The following KIAA1191 variants were observed in gnomAD, a reference collection of about 807,000 sequenced individuals.
The protein encoded by KIAA1191 is putative monooxygenase p33MONOX.
A neutral mutation model predicts 31.1 loss-of-function variants in KIAA1191; 22 were observed. The observed-to-expected ratio is 0.71, with a 90% CI of 0.51 to 1.01. The LOEUF (loss-of-function observed/expected upper bound fraction) is 1.01. KIAA1191 is among the 50% of genes least tolerant of loss of function. KIAA1191 has a pLI of 0.00. For synonymous variants in KIAA1191, 130 were observed against 143.9 expected (o/e 0.90, Z 0.69); for missense variants, 319 against 388.0 (o/e 0.82, Z 1.49).
In KIAA1191 at chr5:176,350,593, C is replaced by A. The variant is rs1393831107; in HGVS notation, c.459+20G>T. The A allele has an allele frequency of 6.2e-7, 1 of 1,606,248 alleles. No individual in the cohort carries two copies. Among genetic ancestry groups the A allele is most frequent in the Non-Finnish European group, 8.5e-7 (1 of 1,178,006 alleles). ...ATGAACACTGAAGGTTTTGTTTTTT[C>A]AAAGTTCCTAAGAGCTTACGTGGAG... is the stretch of plus-strand genomic sequence containing the variant. On this transcript the variant is annotated intron_variant, in intron 6 of 8. Transcript: ENST00000298569.
chr5:176,357,531 T>C (rs1187947852), intron 3 of KIAA1191, among the ~76,000 whole-genome samples: 1 of 152,214 alleles, frequency 6.6e-6, no homozygotes, highest in Non-Finnish European at 1.5e-5. Flanking sequence ...GCAGATATTC[T>C]TCCCATTTTC....
intron 6 of KIAA1191, among the ~76,000 whole-genome samples, chr5:176,349,664 GCCACAGTTTTATAT>G (rs1308008186): frequency 7.2e-5 from 11 of 152,188 alleles, no homozygotes; most frequent in East Asian, 1.9e-4. Flanking sequence ...CTGCAAACAG[GCCACAGTTTTATAT>G]CCACAGTTTT....
Position 176,348,041 on chromosome 5 carries a change from A to C in KIAA1191, c.589T>G (p.Ser197Ala), listed in dbSNP as rs985789948. 6.2e-7 allele frequency: 1 copy of C among 1,613,900 alleles called. No homozygotes were observed. Among genetic ancestry groups the C allele is most frequent in the African/African-American group, 1.3e-5 (1 of 74,908 alleles). The change falls in exon 8 of 9, where the codon TCC becomes GCC. Residue 197 changes from serine (S) to alanine (A), a missense_variant. By Grantham distance (99) the Ser-to-Ala change is moderately conservative. Transcript: ENST00000298569. ...RPRGWFTSGS[S>A]TALPGPNPST... ...GGATTTGGGCCAGGTAAGGCTGTGG[A>C]AGAACCAGAAGTGAACCAGCCCCTG... is the stretch of plus-strand genomic sequence containing the variant.
At position 176,347,067 on chromosome 5, in the gene KIAA1191, C is replaced by T. The variant is rs940305326; in HGVS notation, c.*533G>A. On this transcript the variant is annotated 3_prime_UTR_variant, in exon 9 of 9. Coordinates refer to ENST00000298569, the MANE Select transcript of KIAA1191 (RefSeq NM_020444.5). ...GTAATGAGGTCCCCATACACCCGTG[C>T]TGAGAATATTAGTCTAACTTTAAAG... 6.6e-6 allele frequency: 1 copy of T among 152,228 alleles called. No individual in the cohort carries two copies. The highest frequency in any genetic ancestry group is 1.5e-5 in the Non-Finnish European group (1 of 68,038). 9.4% of individuals were successfully genotyped at this position (152,228 alleles called of 1,614,324 possible).
intron 3 of KIAA1191, among the ~76,000 whole-genome samples, chr5:176,357,586 T>C (rs1176086626): frequency 6.6e-6 from 1 of 152,164 alleles, no homozygotes; most frequent in African/African-American, 2.4e-5. Context: ...TCACCTAGCT[T>C]GAAAGAGTGT....
chr5:176,356,056 C>T (rs1767482254), intron 3 of KIAA1191: 1 of 314,802 alleles, frequency 3.2e-6, no homozygotes, highest in African/African-American at 2.2e-5. Context: ...TCACTGCAGG[C>T]TCAACCTCCT....
At position 176,355,881 on chromosome 5, in the gene KIAA1191, G is replaced by C; in HGVS notation, c.29-132C>G. On this transcript the variant is annotated intron_variant, in intron 3 of 8. Coordinates refer to ENST00000298569, the MANE Select transcript of KIAA1191 (RefSeq NM_020444.5). The surrounding 1 kb of genome is among the most constrained non-coding windows in gnomAD (Gnocchi z 4.2). ...GAGCAAAATAGCTTGTTTTGGAGTA[G>C]CTAATCCCATCCAGGAAAGGCAGTG... 2.3e-6 allele frequency: 2 copies of C among 855,580 alleles called. No individual in the cohort carries two copies. The highest frequency in any genetic ancestry group is 3.8e-6 in the Non-Finnish European group (2 of 530,906). 53.0% of individuals were successfully genotyped at this position (855,580 alleles called of 1,614,324 possible). A position where few individuals can be genotyped will look rare whatever the true frequency, so the allele number is the denominator to read the frequency against.
At chr5:176,350,246 TATAGAA>T (rs1766867951) in intron 6 of KIAA1191, among the ~76,000 whole-genome samples, 1 of 152,230 alleles carries the variant, frequency 6.6e-6, no homozygotes, top group Non-Finnish European at 1.5e-5. Flanking sequence ...ATTCTTCACT[TATAGAA>T]ATGAAATAGC....
In KIAA1191 at chr5:176,347,952, A is replaced by G; in HGVS notation, c.678T>C (p.Phe226=). ...CGTACTTCTGAAGGGATCTCGGTCCAAAGAGGCTCCACTTATCTGACAAGT... is the reference window on the plus strand; with the variant it reads ...CGTACTTCTGAAGGGATCTCGGTCCGAAGAGGCTCCACTTATCTGACAAGT... The part of the protein sequence containing the change: ...DRNLSDKWSL[F]GPRSLQKYDS... Residue 226 remains phenylalanine, a synonymous_variant, in exon 8 of 9, where the codon TTT becomes TTC. Coordinates refer to ENST00000298569, the MANE Select transcript of KIAA1191 (RefSeq NM_020444.5). 1 of 1,614,148 alleles carries G rather than the reference A, an allele frequency of 6.2e-7. No homozygotes were observed. The highest frequency in any genetic ancestry group is 2.2e-5 in the East Asian group (1 of 44,886).
intron 6 of KIAA1191, among the ~76,000 whole-genome samples, chr5:176,349,620 C>A (rs1200310342): frequency 1.3e-5 from 2 of 152,130 alleles, no homozygotes; most frequent in Non-Finnish European, 2.9e-5. Context: ...TTGCAGTGAG[C>A]CGAGATCACA....
chr5:176,352,491 G>A (rs971772066), intron 5 of KIAA1191, 131 bp downstream of exon 5: 3 of 1,042,230 alleles, frequency 2.9e-6, no homozygotes, highest in African/African-American at 3.2e-5. Flanking sequence ...ACATGATTCA[G>A]CAGCCAAACT....
chr5:176,349,699 C>T (rs989361382), intron 6 of KIAA1191, among the ~76,000 whole-genome samples: 2 of 152,124 alleles, frequency 1.3e-5, no homozygotes, highest in African/African-American at 4.8e-5. Flanking sequence ...ATATCCCCAC[C>T]CACAGGCCAC....
In KIAA1191 at chr5:176,359,491, T is replaced by A; in HGVS notation, c.18A>T (p.Pro6=). MASRQ[P]EVPALEASAP... is the part of the protein sequence containing the mutation. ...AAGAATTAAGTTTACCAGGCACTTC[T>A]GGTTGTCTTGAAGCCATTGAAAGAC... The change falls in exon 3 of 9, where the codon CCA becomes CCT. Residue 6 remains proline, a synonymous_variant. Transcript: ENST00000298569. 6.2e-7 allele frequency: 1 copy of A among 1,613,852 alleles called. No homozygotes were observed. Among genetic ancestry groups the A allele is most frequent in the Non-Finnish European group, 8.5e-7 (1 of 1,179,780 alleles).
chr5:176,354,128 A>C (rs1371461402), intron 4 of KIAA1191: 1 of 152,236 alleles, frequency 6.6e-6, no homozygotes, highest in East Asian at 1.9e-4. Context: ...CTGCAGTCAT[A>C]ATATCAGCTA....
At chr5:176,352,009 T>C (rs996446140) in intron 5 of KIAA1191, among the ~76,000 whole-genome samples, 1 of 151,960 alleles carries the variant, frequency 6.6e-6, no homozygotes, top group Non-Finnish European at 1.5e-5. Context: ...CCCTCCAGAA[T>C]GAAGAAGTTT....
chr5:176,346,285 G>T lies in KIAA1191; in HGVS notation c.*1315C>A, dbSNP rs950454979. The T allele has an allele frequency of 6.6e-6, 1 of 152,202 alleles. No individual in the cohort carries two copies. Among genetic ancestry groups the T allele is most frequent in the Non-Finnish European group, 1.5e-5 (1 of 68,030 alleles). The allele number at this position is 152,202 out of a possible 1,614,324, so 9.4% of individuals were successfully genotyped here. On this transcript the variant is annotated 3_prime_UTR_variant, in exon 9 of 9. Transcript: ENST00000298569. Reference sequence around the variant, plus strand: ...GAAGAGAAATAAAAAGGTGGCTTCTGTATTTCCCTCCCTCAGTAAGGTTAT... The same window carrying T: ...GAAGAGAAATAAAAAGGTGGCTTCTTTATTTCCCTCCCTCAGTAAGGTTAT...
chr5:176,360,634 C>A (rs975562939), intron 1 of KIAA1191, among the ~76,000 whole-genome samples: 1 of 151,600 alleles, frequency 6.6e-6, no homozygotes, highest in Non-Finnish European at 1.5e-5. Flanking sequence ...AACCCCATCT[C>A]TACTAAAAAT....
At chr5:176,358,321 G>A (rs1214373975) in intron 3 of KIAA1191, among the ~76,000 whole-genome samples, 2 of 152,204 alleles carry the variant, frequency 1.3e-5, no homozygotes, top group Non-Finnish European at 2.9e-5. Flanking sequence ...TTGATAACTA[G>A]GAAAGTAACA....
Position 176,347,909 on chromosome 5 carries a change from G to T in KIAA1191, c.709+12C>A. 1 of 1,613,916 alleles carries T rather than the reference G, an allele frequency of 6.2e-7. No individual in the cohort carries two copies. The highest frequency in any genetic ancestry group is 8.5e-7 in the Non-Finnish European group (1 of 1,179,966). On this transcript the variant is annotated intron_variant, in intron 8 of 8. Coordinates refer to ENST00000298569, the MANE Select transcript of KIAA1191 (RefSeq NM_020444.5). ...TGCCATGCTGCTCTCTTTTTTGAAG[G>T]TGCTGCCTTACCAGAATCGTACTTC... is the stretch of plus-strand genomic sequence containing the variant.
Sources: gnomAD v4.1 joint callset for allele counts (sites outside exome capture counted in the v4.1 genomes callset) on GRCh38, gnomAD v4.1.1 for gene constraint, Gnocchi (gnomAD v3.1) non-coding constraint, MANE v1.5 for transcripts, NCBI Gene and HGNC (gene_info 2026-07-23, HGNC 2026-07-21) for gene names.